Variants in STXBP5L observed in about 807,000 individuals in gnomAD.
STXBP5L encodes the protein syntaxin binding protein 5L, also known as syntaxin-binding protein 5-like.
Under a neutral mutation model 144.5 loss-of-function variants are expected in STXBP5L, and 65 were observed. The observed-to-expected ratio is 0.45, with a 90% CI of 0.37 to 0.55. STXBP5L has a LOEUF of 0.55. Among genes scored for constraint, STXBP5L ranks in the 20% least tolerant of loss-of-function variants. STXBP5L has a pLI of 0.00. For synonymous variants in STXBP5L, 505 were observed against 469.6 expected, an observed-to-expected ratio of 1.08 and a Z score of -0.97; for missense variants, 1,298 against 1,405.5, an observed-to-expected ratio of 0.92 and a Z score of 1.22.
intron 2 of STXBP5L, among the ~76,000 whole-genome samples, chr3:120,926,390 G>T (rs1709632915): frequency 6.9e-6 from 1 of 144,532 alleles, no homozygotes. Flanking sequence ...ACTCCCTGCT[G>T]GCCTATATAG....
chr3:121,278,179 AAC>A (rs1381552476), intron 18 of STXBP5L, among the ~76,000 whole-genome samples: 1 of 151,972 alleles, frequency 6.6e-6, no homozygotes, highest in Non-Finnish European at 1.5e-5. Context: ...TTCAGTCACT[AAC>A]ACAGAACATT....
intron 10 of STXBP5L, among the ~76,000 whole-genome samples, chr3:121,216,405 T>C (rs185279634): frequency 6.6e-6 from 1 of 152,350 alleles, no homozygotes; most frequent in Admixed American, 6.5e-5. Context: ...GCTATTCCTT[T>C]CTGTTTGTCA....
chr3:121,372,824 GA>G (rs1319819662), intron 20 of STXBP5L, among the ~76,000 whole-genome samples: 1 of 151,794 alleles, frequency 6.6e-6, no homozygotes, highest in East Asian at 1.9e-4. Flanking sequence ...ATTTCTGTTG[GA>G]AAAAAATTAA....
chr3:121,393,913 T>A (rs1187017510), intron 22 of STXBP5L, among the ~76,000 whole-genome samples: 1 of 152,232 alleles, frequency 6.6e-6, no homozygotes, highest in African/African-American at 2.4e-5. Flanking sequence ...CTATTCAGAC[T>A]GTTTTGGTTC....
intron 22 of STXBP5L, among the ~76,000 whole-genome samples, chr3:121,400,678 C>A (rs1198241601): frequency 6.6e-6 from 1 of 152,146 alleles, no homozygotes; most frequent in African/African-American, 2.4e-5. Context: ...TCTCAAGCTG[C>A]AAGAGATATC....
intron 12 of STXBP5L, among the ~76,000 whole-genome samples, chr3:121,238,165 C>T (rs532112319): frequency 9.9e-5 from 15 of 152,118 alleles, no homozygotes; most frequent in Admixed American, 7.2e-4. Flanking sequence ...AAAAGGAATA[C>T]CTGAAGCTAG....
chr3:121,298,688 A>G (rs1160856417), intron 19 of STXBP5L, among the ~76,000 whole-genome samples: 5 of 152,196 alleles, frequency 3.3e-5, no homozygotes, highest in African/African-American at 7.2e-5. Flanking sequence ...TTCCACTTAT[A>G]TGGTGTATAT....
At chr3:121,187,520 G>A (rs1252351153) in intron 9 of STXBP5L, among the ~76,000 whole-genome samples, 1 of 150,106 alleles carries the variant, frequency 6.7e-6, no homozygotes, top group Non-Finnish European at 1.5e-5. Flanking sequence ...TAACAAACCT[G>A]CACATTGTGC....
chr3:121,407,144 G>T, intron 22 of STXBP5L, 99 bp from the exon 23 acceptor site: 1 of 1,390,734 alleles, frequency 7.2e-7, no homozygotes, highest in South Asian at 1.5e-5. Context: ...GCAATATTAT[G>T]ACTCTATAGG....
intron 3 of STXBP5L, among the ~76,000 whole-genome samples, chr3:120,984,444 C>A (rs952813602): frequency 5.3e-5 from 8 of 151,918 alleles, no homozygotes; most frequent in African/African-American, 1.9e-4. Flanking sequence ...CTTGCTGATA[C>A]CCTGAGATCT....
chr3:121,230,683 G>GACAAATACA (rs2049277867), intron 11 of STXBP5L, among the ~76,000 whole-genome samples: 1 of 152,116 alleles, frequency 6.6e-6, no homozygotes. Flanking sequence ...AATACAACCA[G>GACAAATACA]ACTTGTACAT....
chr3:120,952,903 A>G (rs1176543191), intron 2 of STXBP5L, among the ~76,000 whole-genome samples: 2 of 151,808 alleles, frequency 1.3e-5, no homozygotes, highest in Admixed American at 1.3e-4. Flanking sequence ...GGCTCAAGTG[A>G]TCCTCCTATC....
chr3:121,042,638 C>T (rs559745034), intron 4 of STXBP5L, among the ~76,000 whole-genome samples: 137 of 152,190 alleles, frequency 9.0e-4, no homozygotes, highest in Non-Finnish European at 1.4e-3. Flanking sequence ...TGTTTATCTT[C>T]CTAAGAACTT....
intron 9 of STXBP5L, among the ~76,000 whole-genome samples, chr3:121,169,063 C>T (rs1325282586): frequency 6.6e-6 from 1 of 152,124 alleles, no homozygotes; most frequent in Non-Finnish European, 1.5e-5. Context: ...GAATTTTCAA[C>T]CCAGAATTTC....
chr3:121,418,450 C>T lies in STXBP5L; in HGVS notation c.3340C>T (p.Arg1114Cys), dbSNP rs754863853. 1.5e-5 allele frequency: 25 copies of T among 1,613,898 alleles called. No individual in the cohort carries two copies. The highest frequency in any genetic ancestry group is 6.7e-5 in the African/African-American group (5 of 74,918). Residue 1114 changes from arginine to cysteine, a missense_variant, in exon 26 of 27, where the codon CGT becomes TGT. Transcript: ENST00000471454. ...AAGGVMGELT[R>C]ARIALDERGQ... ...TGGAGGGGTGATGGGAGAGCTGACC[C>T]GTGCACGGATTGCACTTGATGAAAG...
chr3:121,357,832 C>T (rs2045577607), intron 20 of STXBP5L: 1 of 152,152 alleles, frequency 6.6e-6, no homozygotes, highest in Admixed American at 6.6e-5. Context: ...GGAACACTTC[C>T]ACACGCATAC....
At chr3:121,059,767 C>T (rs1322994688) in intron 5 of STXBP5L, among the ~76,000 whole-genome samples, 1 of 151,918 alleles carries the variant, frequency 6.6e-6, no homozygotes, top group Non-Finnish European at 1.5e-5. Context: ...CATGATTTGG[C>T]TGTTTGTCTA....
intron 9 of STXBP5L, among the ~76,000 whole-genome samples, chr3:121,173,648 AC>A (rs1219101547): frequency 1.3e-5 from 2 of 152,072 alleles, no homozygotes; most frequent in Non-Finnish European, 1.5e-5. Context: ...TATATACTGT[AC>A]CCTTAGAGAA....
intron 22 of STXBP5L, among the ~76,000 whole-genome samples, chr3:121,389,682 T>C (rs147182893): frequency 0.036 from 5,434 of 152,296 alleles, 144 homozygotes; most frequent in Middle Eastern, 0.082. Flanking sequence ...AGTTTCCATG[T>C]AGTTGTGTGG....
Sources: gnomAD v4.1 joint callset for allele counts (sites outside exome capture counted in the v4.1 genomes callset) on GRCh38, gnomAD v4.1.1 for gene constraint, MANE v1.5 for transcripts, NCBI Gene and HGNC (gene_info 2026-07-23, HGNC 2026-07-21) for gene names.